LYSMD4: variants seen among roughly 807,000 people sequenced by gnomAD.
LYSMD4 encodes the protein lysM and putative peptidoglycan-binding domain-containing protein 4.
LYSMD4 carries 9 observed loss-of-function variants against 6.1 expected under a neutral mutation model. That is an observed-to-expected ratio of 1.47 (90% CI 0.88 to 2.56). LYSMD4 has a LOEUF of 2.56. LYSMD4 is among the 30% of genes most tolerant of loss of function. The probability of loss-of-function intolerance (pLI) is 0.00; values close to 1 mark genes in which losing one functional copy is unlikely to be tolerated. For synonymous variants in LYSMD4, 143 were observed against 148.5 expected (o/e 0.96, Z 0.27); for missense variants, 384 against 373.5 (o/e 1.03, Z -0.23).
downstream of LYSMD4, among the ~76,000 whole-genome samples, chr15:99,725,298 G>A (rs1232671080): frequency 6.6e-6 from 1 of 152,148 alleles, no homozygotes; most frequent in African/African-American, 2.4e-5. Flanking sequence ...TCAAGTAGCA[G>A]AACATGTTCC....
chr15:99,729,725 C>A lies in LYSMD4; in HGVS notation c.289G>T (p.Asp97Tyr). 1 of 1,604,980 alleles carries A rather than the reference C, an allele frequency of 6.2e-7. No homozygotes were observed. Among genetic ancestry groups the A allele is most frequent in the South Asian group, 1.1e-5 (1 of 90,740 alleles). The change falls in exon 3 of 3, where the codon GAT becomes TAT. Residue 97 changes from aspartate to tyrosine, a missense_variant. Coordinates refer to ENST00000684762, the MANE Select transcript of LYSMD4 (RefSeq NM_001284417.2). ...ATGAAGTTGTTGACTTTCTTGATAT[C>A]TGCAACCTAGGAAGGCACGAAGATA... The part of the protein sequence containing the change: ...LALQYGCKVA[D>Y]IKKVNNFIRE...
downstream of LYSMD4, among the ~76,000 whole-genome samples, chr15:99,723,004 C>A (rs1221607273): frequency 6.6e-6 from 1 of 151,686 alleles, no homozygotes; most frequent in Admixed American, 6.6e-5. Flanking sequence ...ACACTCCAGC[C>A]TGGGTGACAG....
At chr15:99,724,172 T>A (rs1433595524), downstream of LYSMD4, among the ~76,000 whole-genome samples, 1 of 151,108 alleles carries the variant, frequency 6.6e-6, no homozygotes, top group African/African-American at 2.5e-5. Context: ...CTCCTCCAGA[T>A]GTTTTATTAG....
At position 99,729,112 on chromosome 15, in the gene LYSMD4, A is replaced by G. The variant is rs2141119569; in HGVS notation, c.*11T>C. The G allele has an allele frequency of 1.2e-6, 2 of 1,609,162 alleles. No individual in the cohort carries two copies. Among genetic ancestry groups the G allele is most frequent in the East Asian group, 2.2e-5 (1 of 44,716 alleles). ...ATTGCTAAAGCTGGGCCTAGTCTTT[A>G]AAAACAAAGCTTAGCTCCCCGCTTG... On this transcript the variant is annotated 3_prime_UTR_variant, in exon 3 of 3. Transcript: ENST00000684762.
rs912264407 is a variant in LYSMD4, at chr15:99,727,725, C to G, written c.*1398G>C. The G allele has an allele frequency of 1.3e-5, 2 of 152,238 alleles. No individual in the cohort carries two copies. The highest frequency in any genetic ancestry group is 2.4e-5 in the African/African-American group (1 of 41,450). 9.4% of individuals were successfully genotyped at this position (152,238 alleles called of 1,614,324 possible). ...CCAGGCCAGCTGTTTTTTCACACAA[C>G]TGAAAGGAGAGAAATCGGAAATCAC... On this transcript the variant is annotated 3_prime_UTR_variant, in exon 3 of 3. Coordinates refer to ENST00000684762, the MANE Select transcript of LYSMD4 (RefSeq NM_001284417.2).
In LYSMD4 at chr15:99,733,404, C is replaced by T; in HGVS notation, c.-68G>A. The T allele has an allele frequency of 7.6e-6, 3 of 395,546 alleles. No homozygotes were observed. In the Admixed American group the frequency reaches 1.3e-4, roughly 17 times the overall value. The allele number at this position is 395,546 out of a possible 1,614,324, so 24.5% of individuals were successfully genotyped here. On this transcript the variant is annotated 5_prime_UTR_variant, in exon 1 of 3. Coordinates refer to ENST00000684762, the MANE Select transcript of LYSMD4 (RefSeq NM_001284417.2). ...GCGACTCGCGACCCGCGACCCGCGA[C>T]CCGCAGCTGCCACCGCGCCTGCGGA... is the stretch of plus-strand genomic sequence containing the variant.
chr15:99,715,871 C>T (rs1294821739), exon 1 of LYSMD4: 1 of 152,322 alleles, frequency 6.6e-6, no homozygotes, highest in Non-Finnish European at 1.5e-5. Context: ...AAAACTCCAT[C>T]TTTTGAGCCC....
At chr15:99,732,063 C>A (rs2059432277) in intron 1 of LYSMD4, 56 bp from the exon 2 acceptor site, 1 of 1,482,172 alleles carries the variant, frequency 6.7e-7, no homozygotes, top group South Asian at 1.3e-5. Flanking sequence ...CCCTCCACCG[C>A]CTCGTTTAAA....
At position 99,728,515 on chromosome 15, in the gene LYSMD4, C is replaced by T. The variant is rs936784320; in HGVS notation, c.*608G>A. 4.3e-5 allele frequency: 7 copies of T among 161,298 alleles called. No homozygotes were observed. The highest frequency in any genetic ancestry group is 2.2e-4 in the Admixed American group (4 of 17,790). The allele number at this position is 161,298 out of a possible 1,614,324, so 10.0% of individuals were successfully genotyped here. A position where few individuals can be genotyped will look rare whatever the true frequency, so the allele number is the denominator to read the frequency against. On this transcript the variant is annotated 3_prime_UTR_variant, in exon 3 of 3. Coordinates refer to ENST00000684762, the MANE Select transcript of LYSMD4 (RefSeq NM_001284417.2). ...AGGACTGCCCTTTATTCAACAGTGC[C>T]GCAGTTTGGGTCCAGGGCTTTTTCA...
Position 99,729,132 on chromosome 15 carries a change from C to A in LYSMD4, c.882G>T (p.Ala294=), listed in dbSNP as rs78996435. ...ADSQFSQTTQ[A]GS is the part of the protein sequence containing the mutation. ...TCTTTAAAAACAAAGCTTAGCTCCC[C>A]GCTTGGGTGGTCTGACTGAACTGGC... Residue 294 remains alanine, a synonymous_variant, in exon 3 of 3, where the codon GCG becomes GCT. Coordinates refer to ENST00000684762, the MANE Select transcript of LYSMD4 (RefSeq NM_001284417.2). 25 of 1,613,034 alleles carry A rather than the reference C, an allele frequency of 1.5e-5. No individual in the cohort carries two copies. The highest frequency in any genetic ancestry group is 4.5e-5 in the East Asian group (2 of 44,854).
chr15:99,729,047 T>C lies in LYSMD4; in HGVS notation c.*76A>G. 2 of 1,573,860 alleles carry C rather than the reference T, an allele frequency of 1.3e-6. No individual in the cohort carries two copies. Among genetic ancestry groups the C allele is most frequent in the Non-Finnish European group, 1.7e-6 (2 of 1,156,936 alleles). ...CCCCGGAAGCAAAATGCAGCACCCC[T>C]AGGACATCGCCAGTGACAGCTGAGG... On this transcript the variant is annotated 3_prime_UTR_variant, in exon 3 of 3. Coordinates refer to ENST00000684762, the MANE Select transcript of LYSMD4 (RefSeq NM_001284417.2).
chr15:99,731,678 T>C (rs1249609448), intron 2 of LYSMD4, 40 bp downstream of exon 2: 11 of 1,538,416 alleles, frequency 7.2e-6, no homozygotes, highest in South Asian at 6.3e-5. Flanking sequence ...CCCGTGTTCC[T>C]TGAAACGGAG....
Position 99,733,341 on chromosome 15 carries a change from G to C in LYSMD4, c.-9+4C>G. On this transcript the variant is annotated splice_donor_region_variant and intron_variant, in intron 1 of 2. Coordinates refer to ENST00000684762, the MANE Select transcript of LYSMD4 (RefSeq NM_001284417.2). ...CCGCGGCCCCCTCGTCCAGGCCCCG[G>C]TACCTCAGCGCCCAGGCTCCGCCGC... The C allele has an allele frequency of 2.5e-6, 1 of 393,558 alleles. No homozygotes were observed. The highest frequency in any genetic ancestry group is 4.5e-6 in the Non-Finnish European group (1 of 222,698). The allele number at this position is 393,558 out of a possible 1,614,324, so 24.4% of individuals were successfully genotyped here.
upstream of LYSMD4, among the ~76,000 whole-genome samples, chr15:99,719,595 G>T (rs971783602): frequency 6.6e-6 from 1 of 152,112 alleles, no homozygotes; most frequent in African/African-American, 2.4e-5. Context: ...GTTCATAGAC[G>T]TTTTCATCCA....
Position 99,732,656 on chromosome 15 carries a change from A to T in LYSMD4, c.-8-649T>A, listed in dbSNP as rs1193149415. 2.1e-3 allele frequency among the ~76,000 whole-genome samples: 320 copies of T among 152,328 alleles called. 4 individuals are homozygous for T. The highest frequency in any genetic ancestry group is 1.0e-4 in the Non-Finnish European group (7 of 68,022). ...GTTTTTATTTTCCCCTTGAGTCAAC[A>T]GCCAAAGCCGCAAGACCCCTGTTCC... On this transcript the variant is annotated intron_variant, in intron 1 of 2. Transcript: ENST00000684762.
At position 99,729,740 on chromosome 15, in the gene LYSMD4, G is replaced by T. The variant is rs1186938071; in HGVS notation, c.283-9C>A. 1 of 1,591,942 alleles carries T rather than the reference G, an allele frequency of 6.3e-7. No homozygotes were observed. Among genetic ancestry groups the T allele is most frequent in the Non-Finnish European group, 8.5e-7 (1 of 1,172,454 alleles). ...TTCTTGATATCTGCAACCTAGGAAG[G>T]CACGAAGATAAACATCATAAAATAT... On this transcript the variant is annotated splice_polypyrimidine_tract_variant and intron_variant, in intron 2 of 2. Transcript: ENST00000684762.
intron 1 of LYSMD4, among the ~76,000 whole-genome samples, chr15:99,732,243 C>T (rs1487581751): frequency 6.6e-6 from 1 of 152,210 alleles, no homozygotes; most frequent in Non-Finnish European, 1.5e-5. Flanking sequence ...AGAAAACGAA[C>T]CCCGCCCCTG....
rs1223928265 is a variant in LYSMD4 at position 99,728,247 on chromosome 15, G to A, written c.*876C>T. On this transcript the variant is annotated 3_prime_UTR_variant, in exon 3 of 3. Coordinates refer to ENST00000684762, the MANE Select transcript of LYSMD4 (RefSeq NM_001284417.2). ...TGTGTTAGGTGTGCACAGGGGCTGC[G>A]GCTCTCAGCACAGGCCTGACGACCG... The A allele has an allele frequency of 6.6e-6, 1 of 152,288 alleles. No homozygotes were observed. Among genetic ancestry groups the A allele is most frequent in the Non-Finnish European group, 1.5e-5 (1 of 68,110 alleles). 9.4% of individuals were successfully genotyped at this position (152,288 alleles called of 1,614,324 possible).
chr15:99,723,848 A>C (rs781143492), downstream of LYSMD4, among the ~76,000 whole-genome samples: 1 of 144,182 alleles, frequency 6.9e-6, no homozygotes, highest in African/African-American at 2.9e-5. Flanking sequence ...TTCAGTGCTC[A>C]TCAACTCGCT....
Sources: allele counts gnomAD v4.1 joint callset (sites outside exome capture counted in the v4.1 genomes callset), GRCh38; gene constraint gnomAD v4.1.1; transcripts MANE v1.5; gene names NCBI Gene and HGNC (gene_info 2026-07-23, HGNC 2026-07-21).